The following HNRNPA3 variants were observed in gnomAD, a reference collection of about 807,000 sequenced individuals.
The protein encoded by HNRNPA3 is epididymis secretory sperm binding protein.
Under a neutral mutation model 45.8 loss-of-function variants are expected in HNRNPA3, and 3 were observed. The ratio of observed to expected loss-of-function variants is 0.07; its 90% CI spans 0.03 to 0.17. The LOEUF (loss-of-function observed/expected upper bound fraction) is 0.17. Among genes scored for constraint, HNRNPA3 ranks in the 10% least tolerant of loss-of-function variants. The pLI, the probability that HNRNPA3 is intolerant of heterozygous loss-of-function variation, is 1.00. For synonymous variants in HNRNPA3, 170 were observed against 155.6 expected (o/e 1.09, Z -0.69); for missense variants, 183 against 480.3 (o/e 0.38, Z 5.79).
At chr2:177,218,052 C>CTTTTTTTTTTTTTTTTTTTTTT (rs58476089) in intron 8 of HNRNPA3, among the ~76,000 whole-genome samples, 2 of 102,190 alleles carry the variant, frequency 2.0e-5, no homozygotes, top group East Asian at 2.6e-4. Flanking sequence ...TCTCTTTTTT[C>CTTTTTTTTTTTTTTTTTTTTTT]TTTTTTTTTT....
At chr2:177,214,119 A>G (rs576698164) in intron 1 of HNRNPA3, among the ~76,000 whole-genome samples, 2 of 152,388 alleles carry the variant, frequency 1.3e-5, no homozygotes, top group Admixed American at 1.3e-4. Flanking sequence ...TGCATGCATT[A>G]AATGACAGTT....
chr2:177,222,962 T>C (rs923531466), downstream of HNRNPA3: 62 of 152,556 alleles, frequency 4.1e-4, no homozygotes, highest in African/African-American at 1.3e-3. Context: ...AAACACATTT[T>C]CCCAAAGAAC....
downstream of HNRNPA3, chr2:177,222,163 A>ATG (rs1193626035): frequency 6.6e-6 from 1 of 152,658 alleles, no homozygotes; most frequent in Non-Finnish European, 1.5e-5. Flanking sequence ...GTAAAACCTG[A>ATG]TGACACCATT....
At chr2:177,221,580 T>G (rs1689188321), downstream of HNRNPA3, 1 of 152,650 alleles carries the variant, frequency 6.6e-6, no homozygotes, top group Admixed American at 6.5e-5. Context: ...TAAGTTGTAT[T>G]AGCTTAGCTC....
chr2:177,221,411 GT>G (rs1357582746), downstream of HNRNPA3: 3 of 152,462 alleles, frequency 2.0e-5, no homozygotes, highest in Admixed American at 1.3e-4. Context: ...TTGTGAAATT[GT>G]TTGACACAAC....
chr2:177,213,479 G>T (rs990201285), intron 1 of HNRNPA3, among the ~76,000 whole-genome samples: 3 of 152,204 alleles, frequency 2.0e-5, no homozygotes, highest in Non-Finnish European at 4.4e-5. Context: ...TCCTCTCCGC[G>T]AGAAGTCGAT....
Position 177,216,499 on chromosome 2 carries a change from T to C in HNRNPA3, c.554-4T>C, listed in dbSNP as rs564160956. The stretch of plus-strand genomic sequence containing the variant: ...TTGTTTTGTTTGATTGAAAAAAAAT[T>C]TAGTTCAGAAATACCACACTATTAA... On this transcript the variant is annotated splice_polypyrimidine_tract_variant and splice_region_variant and intron_variant, in intron 4 of 10. Transcript: ENST00000392524. 6 of 1,608,674 alleles carry C rather than the reference T, an allele frequency of 3.7e-6. No homozygotes were observed. The highest frequency in any genetic ancestry group is 1.3e-5 in the African/African-American group (1 of 74,720).
chr2:177,219,626 C>T (rs1242429881), exon 11 of HNRNPA3: 2 of 234,188 alleles, frequency 8.5e-6, no homozygotes, highest in African/African-American at 2.3e-5. Context: ...TTGATTAATG[C>T]AATGTAGTGT....
chr2:177,213,434 A>T (rs1688776609), intron 1 of HNRNPA3, among the ~76,000 whole-genome samples: 1 of 152,266 alleles, frequency 6.6e-6, no homozygotes, highest in Non-Finnish European at 1.5e-5. Context: ...GCTTTCGCTG[A>T]AGTTCTGCCG....
exon 10 of HNRNPA3, chr2:177,219,298 A>C (rs542911045): frequency 6.2e-7 from 1 of 1,612,686 alleles, no homozygotes; most frequent in Non-Finnish European, 8.5e-7. Flanking sequence ...AGAAGGTTCT[A>C]AAAACAGCAG....
At chr2:177,213,861 C>T (rs1309896459) in intron 1 of HNRNPA3, among the ~76,000 whole-genome samples, 8 of 152,202 alleles carry the variant, frequency 5.3e-5, no homozygotes, top group Non-Finnish European at 1.0e-4. Context: ...CACGTTTTTG[C>T]AGTACATTTA....
chr2:177,220,488 A>G (rs1259341866), downstream of HNRNPA3: 3 of 154,102 alleles, frequency 1.9e-5, no homozygotes, highest in Admixed American at 6.6e-5. Context: ...TTTTGATACA[A>G]GTTTTCAGAG....
chr2:177,219,682 T>C (rs921400841), exon 11 of HNRNPA3: 1 of 161,512 alleles, frequency 6.2e-6, no homozygotes, highest in African/African-American at 2.4e-5. Context: ...TGTAGCTTTG[T>C]CTTTTTCTTT....
At chr2:177,214,611 C>T (rs1276645902) in intron 1 of HNRNPA3, among the ~76,000 whole-genome samples, 1 of 152,074 alleles carries the variant, frequency 6.6e-6, no homozygotes, top group African/African-American at 2.4e-5. Context: ...CTGGCTAACA[C>T]GGTGAAACCC....
intron 1 of HNRNPA3, among the ~76,000 whole-genome samples, chr2:177,213,260 C>T (rs1688765834): frequency 6.6e-6 from 1 of 152,166 alleles, no homozygotes; most frequent in African/African-American, 2.4e-5. Context: ...GGGCGGCGGC[C>T]ACATTGACAT....
At chr2:177,214,622 C>G (rs369845730) in intron 1 of HNRNPA3, among the ~76,000 whole-genome samples, 1 of 152,088 alleles carries the variant, frequency 6.6e-6, no homozygotes, top group Non-Finnish European at 1.5e-5. Flanking sequence ...GGTGAAACCC[C>G]GTCTCTACTA....
At chr2:177,214,492 C>G (rs1688840688) in intron 1 of HNRNPA3, among the ~76,000 whole-genome samples, 1 of 152,132 alleles carries the variant, frequency 6.6e-6, no homozygotes, top group Admixed American at 6.5e-5. Flanking sequence ...TTCTTCATCA[C>G]AGTTTTGAGT....
At chr2:177,221,731 G>A (rs1010892862), downstream of HNRNPA3, 3 of 152,622 alleles carry the variant, frequency 2.0e-5, no homozygotes, top group Admixed American at 2.0e-4. Context: ...GTTTGGACAA[G>A]TCAGCATAAA....
chr2:177,220,320 T>C (rs755795853), downstream of HNRNPA3: 3 of 152,758 alleles, frequency 2.0e-5, no homozygotes, highest in African/African-American at 4.8e-5. Flanking sequence ...AAAGGGATGG[T>C]GGATGTTTTC....
Sources: allele counts gnomAD v4.1 joint callset (sites outside exome capture counted in the v4.1 genomes callset), GRCh38; gene constraint gnomAD v4.1.1; transcripts MANE v1.5; gene names NCBI Gene and HGNC (gene_info 2026-07-23, HGNC 2026-07-21).